Variants in PDE1C observed in about 807,000 individuals in gnomAD.
The protein encoded by PDE1C is phosphodiesterase 1C.
PDE1C carries 62 observed loss-of-function variants against 93.1 expected under a neutral mutation model. The ratio of observed to expected loss-of-function variants is 0.67; its 90% confidence interval spans 0.54 to 0.82. The LOEUF is 0.82. PDE1C is among the 40% of genes least tolerant of loss of function. The pLI is 0.00. For missense variants in PDE1C, 742 were observed against 884.6 expected (o/e 0.84, Z 2.04); for synonymous variants, 325 against 310.1 (o/e 1.05, Z -0.50).
intron 1 of PDE1C, among the ~76,000 whole-genome samples, chr7:32,310,993 G>C (rs1427437180): frequency 6.6e-6 from 1 of 152,110 alleles, no homozygotes; most frequent in Non-Finnish European, 1.5e-5. Flanking sequence ...CAACAAAATT[G>C]ATAGACCGCT....
At chr7:32,319,101 C>T (rs1022817893) in intron 1 of PDE1C, among the ~76,000 whole-genome samples, 3 of 152,250 alleles carry the variant, frequency 2.0e-5, no homozygotes, top group Non-Finnish European at 4.4e-5. Context: ...TCCACGCCGT[C>T]ACCCGGGAGC....
intron 3 of PDE1C, among the ~76,000 whole-genome samples, chr7:32,077,054 T>C (rs1341939076): frequency 6.6e-6 from 1 of 151,784 alleles, no homozygotes; most frequent in Non-Finnish European, 1.5e-5. Context: ...CTGGCTACCA[T>C]GGTGGTGTAA....
At chr7:32,308,984 G>A (rs1465608944) in intron 1 of PDE1C, among the ~76,000 whole-genome samples, 1 of 151,664 alleles carries the variant, frequency 6.6e-6, no homozygotes, top group African/African-American at 2.4e-5. Flanking sequence ...CAATGGCAAA[G>A]AAGTTAAAAA....
intron 2 of PDE1C, among the ~76,000 whole-genome samples, chr7:31,947,020 A>G (rs1247492212): frequency 6.6e-6 from 1 of 152,234 alleles, no homozygotes; most frequent in Non-Finnish European, 1.5e-5. Context: ...TACAGATGCC[A>G]GAGGTCTGAA....
At chr7:31,969,886 G>A (rs1224496601) in intron 2 of PDE1C, among the ~76,000 whole-genome samples, 20 of 152,082 alleles carry the variant, frequency 1.3e-4, no homozygotes, top group East Asian at 3.9e-4. Context: ...GCAAACTATC[G>A]CAAGGACAAA....
chr7:31,687,878 G>A, the PDE1C span, among the ~76,000 whole-genome samples: 1 of 152,258 alleles, frequency 6.6e-6, no homozygotes, highest in East Asian at 1.9e-4. Context: ...ATCAAGACCT[G>A]ATTACTTTGG....
At chr7:31,859,578 G>A (rs1411675576) in intron 7 of PDE1C, among the ~76,000 whole-genome samples, 1 of 151,796 alleles carries the variant, frequency 6.6e-6, no homozygotes, top group Admixed American at 6.6e-5. Context: ...GTCTCATAGA[G>A]AAGTAATTTT....
chr7:32,378,240 A>T lies in PDE1C; in HGVS notation c.310+49582T>A, dbSNP rs554987619. Among the ~76,000 whole-genome samples, 30 of 152,030 alleles carry T rather than the reference A, an allele frequency of 2.0e-4. 1 individual carries two copies. The South Asian group carries it at 5.8e-3, about 30-fold the overall frequency. ...CCACTCTTCCTGCCCTCTCCAATCC[A>T]CACTCCTCACAGCAGCAGCCAGAAA... On this transcript the variant is annotated intron_variant, in intron 1 of 1. Coordinates refer to the PDE1C transcript ENST00000672256.
At chr7:31,712,806 G>C in the PDE1C span, among the ~76,000 whole-genome samples, 1 of 152,192 alleles carries the variant, frequency 6.6e-6, no homozygotes, top group Non-Finnish European at 1.5e-5. Context: ...CAGGCAAAGA[G>C]AGAGAGTTTG....
At chr7:31,657,822 A>ACTC in the PDE1C span, among the ~76,000 whole-genome samples, 1 of 152,214 alleles carries the variant, frequency 6.6e-6, no homozygotes, top group African/African-American at 2.4e-5. Flanking sequence ...ATGAGACCAA[A>ACTC]CTCAAGTTTA....
chr7:32,346,856 T>C (rs988040738), intron 1 of PDE1C, among the ~76,000 whole-genome samples: 1 of 152,192 alleles, frequency 6.6e-6, no homozygotes, highest in Non-Finnish European at 1.5e-5. Flanking sequence ...CATGGTTTTA[T>C]TTACATAAAA....
At chr7:31,952,629 A>T (rs961742461) in intron 2 of PDE1C, among the ~76,000 whole-genome samples, 2 of 152,236 alleles carry the variant, frequency 1.3e-5, no homozygotes, top group African/African-American at 4.8e-5. Context: ...TGAATTGTGC[A>T]CACTAGGTAT....
intron 2 of PDE1C, among the ~76,000 whole-genome samples, chr7:31,886,734 G>C (rs1005977866): frequency 6.2e-5 from 1 of 16,120 alleles, no homozygotes; most frequent in Non-Finnish European, 1.1e-4. Flanking sequence ...GGCAGACTCT[G>C]CATGGAGAGA....
Position 31,864,936 on chromosome 7 carries a change from A to G in PDE1C, c.750+6T>C. 1 of 1,612,674 alleles carries G rather than the reference A, an allele frequency of 6.2e-7. No homozygotes were observed. ...GGGGAACCTAAGAGTTCCTATCCCT[A>G]CTTACCGCCACTCCTGTCTTATAGA... On this transcript the variant is annotated splice_donor_region_variant and intron_variant, in intron 7 of 17. Coordinates refer to ENST00000396191, the MANE Select transcript of PDE1C (RefSeq NM_001191057.4).
At chr7:31,698,532 A>G in the PDE1C span, among the ~76,000 whole-genome samples, 6 of 152,194 alleles carry the variant, frequency 3.9e-5, no homozygotes, top group Non-Finnish European at 8.8e-5. Flanking sequence ...ACTACATGCA[A>G]GCTTCTGAGA....
chr7:32,244,384 C>T (rs951899991), intron 1 of PDE1C, among the ~76,000 whole-genome samples: 2 of 152,190 alleles, frequency 1.3e-5, no homozygotes, highest in African/African-American at 4.8e-5. Context: ...GAAAGCTGGC[C>T]TTTCAAGCAC....
chr7:31,933,643 T>G (rs1300514359), intron 2 of PDE1C, among the ~76,000 whole-genome samples: 3 of 152,134 alleles, frequency 2.0e-5, no homozygotes, highest in Non-Finnish European at 4.4e-5. Context: ...TGGGGACTGG[T>G]GGGAGGTGTT....
chr7:31,716,606 G>T, the PDE1C span, among the ~76,000 whole-genome samples: 1 of 152,168 alleles, frequency 6.6e-6, no homozygotes, highest in Non-Finnish European at 1.5e-5. Flanking sequence ...ACTGTTTCCA[G>T]AGTCTGAGGG....
rs531945940 is a variant in PDE1C at position 31,975,995 on chromosome 7, C to T, written c.128+75559G>A. 2.5e-3 allele frequency among the ~76,000 whole-genome samples: 374 copies of T among 152,340 alleles called. 1 individual carries two copies. The highest frequency in any genetic ancestry group is 4.5e-3 in the Non-Finnish European group (306 of 68,026). ...CTTTGTCTCTTTTCAAATCACAATA[C>T]TGATGTTCCAATAAATGATGTTTAT... On this transcript the variant is annotated intron_variant, in intron 2 of 17. Coordinates refer to ENST00000396191, the MANE Select transcript of PDE1C (RefSeq NM_001191057.4).
Sources: gnomAD v4.1 joint callset for allele counts (sites outside exome capture counted in the v4.1 genomes callset) on GRCh38, gnomAD v4.1.1 for gene constraint, MANE v1.5 for transcripts, NCBI Gene and HGNC (gene_info 2026-07-23, HGNC 2026-07-21) for gene names.